CHD8: variants seen among roughly 807,000 people sequenced by gnomAD.
CHD8 encodes chromodomain helicase DNA binding protein 8.
Under a neutral mutation model 279.2 loss-of-function variants are expected in CHD8, and 31 were observed. The observed-to-expected ratio is 0.11, with a 90% CI of 0.08 to 0.15. The LOEUF (loss-of-function observed/expected upper bound fraction) is 0.15, where lower values mean the gene tolerates loss of function less well. CHD8 is among the 10% of genes least tolerant of loss of function. The pLI is 1.00. For synonymous variants in CHD8, 1,081 were observed against 1,139.6 expected, an observed-to-expected ratio of 0.95 and a Z score of 1.04; for missense variants, 2,146 against 3,230.5, an observed-to-expected ratio of 0.66 and a Z score of 8.14.
intron 5 of CHD8, chr14:21,419,665 C>A: frequency 5.0e-6 from 1 of 202,008 alleles, no homozygotes; most frequent in South Asian, 6.2e-5. Flanking sequence ...CTGGGCCATC[C>A]CTGCCACTCA....
chr14:21,412,952 TA>T lies in CHD8; in HGVS notation c.2186del (p.Ile729AsnfsTer21). On this transcript the variant is annotated frameshift_variant, in exon 10 of 38. Transcript: ENST00000646647. LOFTEE classifies it high-confidence loss of function. ...FNPDYVEVDRILDESHSIDKD... is the reference protein window; with the variant it reads ...FNPDYVEVDRXLDESHSIDKD... ...TGTCAATACTGTGAGACTCATCCAA[TA>T]TCCTATCCACCTCTACGTAGTCTGG... 6.2e-7 allele frequency: 1 copy of T among 1,611,494 alleles called. No homozygotes were observed. Among genetic ancestry groups the T allele is most frequent in the Non-Finnish European group, 8.5e-7 (1 of 1,177,836 alleles).
At chr14:21,441,191 C>T (rs984514158) in intron 1 of CHD8, among the ~76,000 whole-genome samples, 2 of 152,148 alleles carry the variant, frequency 1.3e-5, no homozygotes, top group Non-Finnish European at 2.9e-5. Context: ...ATATTAGAGT[C>T]CAACTGTAGC....
At chr14:21,443,062 T>A (rs1038630577) in intron 1 of CHD8, among the ~76,000 whole-genome samples, 1 of 152,150 alleles carries the variant, frequency 6.6e-6, no homozygotes, top group Non-Finnish European at 1.5e-5. Flanking sequence ...AATAACTAAT[T>A]TTTTAAGAAA....
intron 1 of CHD8, among the ~76,000 whole-genome samples, chr14:21,441,187 G>C (rs1172413440): frequency 3.3e-5 from 5 of 152,188 alleles, no homozygotes; most frequent in African/African-American, 7.2e-5. Context: ...GCAGATATTA[G>C]AGTCCAACTG....
At position 21,402,148 on chromosome 14, in the gene CHD8, A is replaced by G; in HGVS notation, c.3883-12T>C. On this transcript the variant is annotated splice_polypyrimidine_tract_variant and intron_variant, in intron 19 of 37. Coordinates refer to ENST00000646647, the MANE Select transcript of CHD8 (RefSeq NM_001170629.2). The surrounding 1 kb of genome is among the most constrained non-coding windows in gnomAD (Gnocchi z 4.5). ...GAGAACTGTTGGATCTGTAAAAACC[A>G]ATAGAAAGATGAAAAGACTATCAAG... 1 of 1,582,170 alleles carries G rather than the reference A, an allele frequency of 6.3e-7. No individual in the cohort carries two copies. The highest frequency in any genetic ancestry group is 8.6e-7 in the Non-Finnish European group (1 of 1,166,612).
At chr14:21,395,487 C>A in intron 28 of CHD8, 135 bp from the exon 29 acceptor site, 2 of 639,106 alleles carry the variant, frequency 3.1e-6, no homozygotes, top group Non-Finnish European at 5.5e-6. Context: ...GAAATATATC[C>A]CCACAAAAAC....
chr14:21,440,144 T>C (rs944491666), intron 1 of CHD8, among the ~76,000 whole-genome samples: 2 of 152,130 alleles, frequency 1.3e-5, no homozygotes, highest in African/African-American at 2.4e-5. Flanking sequence ...AGGTGACACA[T>C]TCAATAAGAC....
rs550664769 is a variant in CHD8, at chr14:21,401,934, C to A, written c.4062+23G>T. The A allele has an allele frequency of 1.6e-5, 25 of 1,575,920 alleles. No homozygotes were observed. The East Asian group carries it at 5.2e-4, about 33-fold the overall frequency. On this transcript the variant is annotated intron_variant, in intron 20 of 37. Transcript: ENST00000646647. ...GATTCCGGTCTCTGTGTTTTTCTAG[C>A]CTCTGGCATAGACAGAACATGCCTT...
chr14:21,444,169 C>T (rs999405098), intron 1 of CHD8, among the ~76,000 whole-genome samples: 1 of 152,198 alleles, frequency 6.6e-6, no homozygotes, highest in African/African-American at 2.4e-5. Context: ...TATTAAGTTA[C>T]AGGAACATTT....
intron 5 of CHD8, among the ~76,000 whole-genome samples, chr14:21,423,937 A>G (rs61973181): frequency 0.025 from 3,763 of 152,314 alleles, 51 homozygotes; most frequent in African/African-American, 0.033. Flanking sequence ...TAGAGTCAAG[A>G]AAAGAACCCA....
At chr14:21,440,870 G>A (rs1889941097) in intron 1 of CHD8, among the ~76,000 whole-genome samples, 1 of 152,164 alleles carries the variant, frequency 6.6e-6, no homozygotes, top group Non-Finnish European at 1.5e-5. Flanking sequence ...AGAGGACAGA[G>A]GACACAGAAG....
Position 21,426,226 on chromosome 14 carries a change from C to T in CHD8, c.1618G>A (p.Val540Met). Residue 540 changes from valine (V) to methionine (M), a missense_variant, in exon 5 of 38, where the codon GTG becomes ATG. By Grantham distance (21) the Val-to-Met change is conservative (BLOSUM62 1). Around this residue, in one of 26 missense-constraint regions of CHD8, gnomAD observed 123 missense variants for 169.2 expected, o/e 0.73. Coordinates refer to ENST00000646647, the MANE Select transcript of CHD8 (RefSeq NM_001170629.2). The stretch of plus-strand genomic sequence containing the variant: ...GTATTACGTTTTCTCTTCTTACCCA[C>T]TACAGGAGTGATGGTGCTAAAAAGG... ...KSKLNTITPV[V>M]GKKRKRNTSS... The T allele has an allele frequency of 1.3e-6, 2 of 1,596,042 alleles. No homozygotes were observed. The highest frequency in any genetic ancestry group is 8.6e-7 in the Non-Finnish European group (1 of 1,166,328).
At chr14:21,415,073 G>T in intron 7 of CHD8, 80 bp from the exon 8 acceptor site, 1 of 870,830 alleles carries the variant, frequency 1.1e-6, no homozygotes, top group South Asian at 1.5e-5. Context: ...ACACATTGCA[G>T]AACTTCATAC....
chr14:21,408,620 G>A lies in CHD8; in HGVS notation c.2487-65C>T, dbSNP rs1888351835. ...ACTATCTTTAAAAAAAATAGAGTAT[G>A]TAGGAAGAAATTGTTTCAATAGAAA... On this transcript the variant is annotated intron_variant, in intron 12 of 37. Transcript: ENST00000646647. This position sits in a 1 kb window ranked among gnomAD's most constrained non-coding sequence, Gnocchi z 4.3. 1 of 1,566,416 alleles carries A rather than the reference G, an allele frequency of 6.4e-7. No homozygotes were observed. Among genetic ancestry groups the A allele is most frequent in the African/African-American group, 1.4e-5 (1 of 72,430 alleles).
intron 1 of CHD8, among the ~76,000 whole-genome samples, chr14:21,447,909 C>G (rs1890166154): frequency 6.6e-6 from 1 of 152,160 alleles, no homozygotes; most frequent in African/African-American, 2.4e-5. Flanking sequence ...ATAATACTCT[C>G]TGTTCTAGAT....
In CHD8 at chr14:21,428,855, T is replaced by C. The variant is rs796080308; in HGVS notation, c.1215+109A>G. ...TTAAGTCTGCACCTCAGTTCAGAGA[T>C]ATAAATCTAGAATGGCCCCACATTC... On this transcript the variant is annotated intron_variant, in intron 3 of 37. Coordinates refer to ENST00000646647, the MANE Select transcript of CHD8 (RefSeq NM_001170629.2). 9.5e-5 allele frequency: 90 copies of C among 945,648 alleles called. 2 individuals carry two copies. The highest frequency in any genetic ancestry group is 9.4e-4 in the African/African-American group (57 of 60,508). The allele number at this position is 945,648 out of a possible 1,614,324, so 58.6% of individuals were successfully genotyped here. A position where few individuals can be genotyped will look rare whatever the true frequency, so the allele number is the denominator to read the frequency against.
At chr14:21,423,749 G>A (rs2139521116) in intron 5 of CHD8, among the ~76,000 whole-genome samples, 1 of 152,286 alleles carries the variant, frequency 6.6e-6, no homozygotes, top group South Asian at 2.1e-4. Flanking sequence ...ATGTATGTAA[G>A]TCTTAATATG....
chr14:21,435,185 C>A (rs970544147), intron 1 of CHD8, among the ~76,000 whole-genome samples: 1 of 152,186 alleles, frequency 6.6e-6, no homozygotes, highest in African/African-American at 2.4e-5. Flanking sequence ...TGACCAGAAT[C>A]ATGACAGAAA....
chr14:21,402,537 A>G lies in CHD8; in HGVS notation c.3715-34T>C, dbSNP rs1402679308. ...AAATAAAAACGAAAGGAAAGGAGAAAGATATCATAAAATTAGCAAGGGAAA... is the reference window on the plus strand; with the variant it reads ...AAATAAAAACGAAAGGAAAGGAGAAGGATATCATAAAATTAGCAAGGGAAA... On this transcript the variant is annotated intron_variant, in intron 18 of 37. Transcript: ENST00000646647. The surrounding 1 kb of genome is among the most constrained non-coding windows in gnomAD (Gnocchi z 4.5). The G allele has an allele frequency of 5.8e-6, 9 of 1,544,928 alleles. No individual in the cohort carries two copies. The highest frequency in any genetic ancestry group is 7.8e-6 in the Non-Finnish European group (9 of 1,146,948).
Sources: allele counts gnomAD v4.1 joint callset (sites outside exome capture counted in the v4.1 genomes callset), GRCh38; gene constraint gnomAD v4.1.1; regional missense constraint gnomAD v4.1.1; non-coding constraint Gnocchi (gnomAD v3.1); transcripts MANE v1.5; gene names NCBI Gene and HGNC (gene_info 2026-07-23, HGNC 2026-07-21).